Variants in VAV3 observed in about 807,000 individuals in gnomAD.
VAV3 encodes vav guanine nucleotide exchange factor 3, also known as guanine nucleotide exchange factor VAV3.
Under a neutral mutation model 131.2 loss-of-function variants are expected in VAV3, and 94 were observed. That is an observed-to-expected ratio of 0.72 (90% CI 0.61 to 0.85). The LOEUF (loss-of-function observed/expected upper bound fraction) is 0.85. Among genes scored for constraint, VAV3 ranks in the 40% least tolerant of loss-of-function variants. The pLI is 0.00. For missense variants in VAV3, 939 were observed against 1,002.7 expected, an observed-to-expected ratio of 0.94 and a Z score of 0.86; for synonymous variants, 349 against 342.0, an observed-to-expected ratio of 1.02 and a Z score of -0.22.
chr1:107,779,635 C>T, intron 2 of VAV3, 143 bp from the exon 3 acceptor site: 1 of 459,680 alleles, frequency 2.2e-6, no homozygotes, highest in Non-Finnish European at 3.7e-6. Flanking sequence ...ATGAGAAGGG[C>T]TGTGATTGGG....
At chr1:107,903,684 C>T (rs1557913556) in intron 1 of VAV3, among the ~76,000 whole-genome samples, 2 of 152,098 alleles carry the variant, frequency 1.3e-5, no homozygotes, top group Admixed American at 6.6e-5. Context: ...AAACTGAGTC[C>T]TCCCCTTTAT....
At chr1:107,806,808 T>C (rs1256326390) in intron 2 of VAV3, among the ~76,000 whole-genome samples, 1 of 152,152 alleles carries the variant, frequency 6.6e-6, no homozygotes, top group South Asian at 2.1e-4. Flanking sequence ...GGAGGATTTG[T>C]TCCAGTACCT....
chr1:107,931,139 G>T (rs899941012), intron 1 of VAV3, among the ~76,000 whole-genome samples: 2 of 152,168 alleles, frequency 1.3e-5, no homozygotes, highest in Non-Finnish European at 2.9e-5. Context: ...GCCAAGTGTA[G>T]AGGAAACATT....
At chr1:107,771,054 A>G (rs1665013527) in intron 5 of VAV3, among the ~76,000 whole-genome samples, 1 of 152,228 alleles carries the variant, frequency 6.6e-6, no homozygotes, top group Non-Finnish European at 1.5e-5. Flanking sequence ...CTTAACAAAT[A>G]CTATAGAAAT....
At position 107,573,379 on chromosome 1, in the gene VAV3, A is replaced by G. The variant is rs750659183; in HGVS notation, c.2503-7T>C. Reference sequence around the variant, plus strand: ...TGGATGGAAACCAGCCCACCTAAAAAAGAAAAGCAACCAACACAGCAACAT... The same window carrying G: ...TGGATGGAAACCAGCCCACCTAAAAGAGAAAAGCAACCAACACAGCAACAT... On this transcript the variant is annotated splice_region_variant and splice_polypyrimidine_tract_variant and intron_variant, in intron 26 of 26. Transcript: ENST00000370056. The G allele has an allele frequency of 1.4e-5, 23 of 1,613,982 alleles. No individual in the cohort carries two copies. In the Middle Eastern group the frequency reaches 4.9e-4, roughly 35 times the overall value.
At chr1:107,946,225 G>A (rs749576951) in intron 1 of VAV3, among the ~76,000 whole-genome samples, 4 of 152,142 alleles carry the variant, frequency 2.6e-5, no homozygotes, top group Non-Finnish European at 4.4e-5. Context: ...GTGGAGAGGA[G>A]CAGACATGGA....
intron 25 of VAV3, among the ~76,000 whole-genome samples, chr1:107,578,025 T>G (rs1024661161): frequency 2.0e-5 from 3 of 152,182 alleles, no homozygotes; most frequent in Non-Finnish European, 4.4e-5. Flanking sequence ...CACAGAATTC[T>G]TCCAAAGTTA....
intron 2 of VAV3, among the ~76,000 whole-genome samples, chr1:107,860,949 G>T (rs1199964969): frequency 6.6e-6 from 1 of 151,670 alleles, no homozygotes; most frequent in Non-Finnish European, 1.5e-5. Context: ...CCTACAGAAG[G>T]TGTAGAAATT....
intron 19 of VAV3, among the ~76,000 whole-genome samples, chr1:107,670,231 A>G: frequency 6.6e-6 from 1 of 152,128 alleles, no homozygotes; most frequent in South Asian, 2.1e-4. Flanking sequence ...GCTCTTTGCC[A>G]GCTATTTCGT....
At chr1:107,750,733 C>T (rs1462259531) in intron 13 of VAV3, among the ~76,000 whole-genome samples, 5 of 152,214 alleles carry the variant, frequency 3.3e-5, no homozygotes, top group East Asian at 1.9e-4. Flanking sequence ...AATATTACTA[C>T]GTGATTCTCA....
At chr1:107,811,708 C>G (rs899505777) in intron 2 of VAV3, among the ~76,000 whole-genome samples, 1 of 152,038 alleles carries the variant, frequency 6.6e-6, no homozygotes, top group African/African-American at 2.4e-5. Context: ...ATATTAAAAA[C>G]AGTTCATGCT....
intron 1 of VAV3, among the ~76,000 whole-genome samples, chr1:107,953,571 A>T (rs189894613): frequency 2.6e-5 from 4 of 152,314 alleles, no homozygotes; most frequent in Admixed American, 2.6e-4. Context: ...ATTATTGCAC[A>T]TGTAAGTATC....
intron 24 of VAV3, among the ~76,000 whole-genome samples, chr1:107,596,883 G>A (rs929801172): frequency 4.6e-5 from 7 of 152,146 alleles, no homozygotes; most frequent in Admixed American, 1.3e-4. Flanking sequence ...TCATAGCTCC[G>A]CATATCTGCT....
intron 2 of VAV3, among the ~76,000 whole-genome samples, chr1:107,851,396 G>GAAAAAAAAAAAA (rs74262709): frequency 1.3e-5 from 1 of 74,976 alleles, no homozygotes. Context: ...AAAACACTCA[G>GAAAAAAAAAAAA]AAAAAAAAAA....
intron 2 of VAV3, among the ~76,000 whole-genome samples, chr1:107,818,224 C>T (rs1459767240): frequency 6.6e-6 from 1 of 152,192 alleles, no homozygotes; most frequent in African/African-American, 2.4e-5. Flanking sequence ...AGGCAAGACT[C>T]CCAGAGGAAA....
At chr1:107,785,678 G>C in intron 2 of VAV3, 1 of 1,109,176 alleles carries the variant, frequency 9.0e-7, no homozygotes, top group Non-Finnish European at 1.1e-6. Context: ...GGCCCCAGAA[G>C]AGGGAACTGG....
At chr1:107,764,132 A>G (rs1429836654) in intron 9 of VAV3, among the ~76,000 whole-genome samples, 2 of 152,186 alleles carry the variant, frequency 1.3e-5, no homozygotes, top group Non-Finnish European at 2.9e-5. Context: ...ATGTACAAAA[A>G]AACACGACTT....
chr1:107,619,655 A>G (rs545506736), intron 20 of VAV3, among the ~76,000 whole-genome samples: 2 of 152,196 alleles, frequency 1.3e-5, no homozygotes, highest in South Asian at 4.1e-4. Context: ...TTTGCGAGGA[A>G]AGGCCAAAGA....
chr1:107,609,145 TAAAAC>T (rs1228023109), intron 22 of VAV3, among the ~76,000 whole-genome samples: 5 of 152,096 alleles, frequency 3.3e-5, no homozygotes, highest in Admixed American at 1.3e-4. Context: ...GTTGAAGAAA[TAAAAC>T]AAAACATGTA....
Sources: gnomAD v4.1 joint callset for allele counts (sites outside exome capture counted in the v4.1 genomes callset) on GRCh38, gnomAD v4.1.1 for gene constraint, MANE v1.5 for transcripts, NCBI Gene and HGNC (gene_info 2026-07-23, HGNC 2026-07-21) for gene names.